Variants in ZNF438 observed in about 807,000 individuals in gnomAD.
ZNF438 encodes zinc finger protein 438.
In ZNF438, 25 loss-of-function variants were observed where a neutral mutation model predicts 38.0. The observed-to-expected ratio is 0.66, with a 90% confidence interval of 0.48 to 0.92. The LOEUF (loss-of-function observed/expected upper bound fraction) is 0.92, where lower values mean the gene tolerates loss of function less well. Ranked by LOEUF, ZNF438 falls within the 40% of genes least tolerant of loss-of-function variation. The pLI is 0.00. For synonymous variants in ZNF438, 372 were observed against 364.1 expected, an observed-to-expected ratio of 1.02 and a Z score of -0.25; for missense variants, 1,007 against 999.6, an observed-to-expected ratio of 1.01 and a Z score of -0.10.
chr10:30,850,403 G>C, intron 4 of ZNF438, 36 bp from the exon 6 acceptor site: 1 of 1,578,828 alleles, frequency 6.3e-7, no homozygotes, highest in Non-Finnish European at 8.6e-7. Flanking sequence ...GTTACTGTAT[G>C]TAACTGTTCT....
rs115784000 is a variant in ZNF438, at chr10:30,985,186, T to C, written c.-191-43535A>G. Among the ~76,000 whole-genome samples, 618 of 152,290 alleles carry C rather than the reference T, an allele frequency of 4.1e-3. 7 individuals are homozygous for C. Among genetic ancestry groups the C allele is most frequent in the African/African-American group, 0.014 (580 of 41,554 alleles). On this transcript the variant is annotated intron_variant, in intron 1 of 5. Transcript: ENST00000413025. Reference sequence around the variant, plus strand: ...ACCCAGGCACCATGCAGAAAAAGTATACCTAGGCAGGAGCAGGTAGGGACA... The same window carrying C: ...ACCCAGGCACCATGCAGAAAAAGTACACCTAGGCAGGAGCAGGTAGGGACA...
chr10:30,870,741 G>A (rs1323239670), intron 4 of ZNF438, among the ~76,000 whole-genome samples: 1 of 152,178 alleles, frequency 6.6e-6, no homozygotes, highest in Non-Finnish European at 1.5e-5. Flanking sequence ...ACCTATCCTT[G>A]AATATCGCCT....
At chr10:31,013,539 A>G (rs76353637) in intron 1 of ZNF438, among the ~76,000 whole-genome samples, 1,522 of 151,936 alleles carry the variant, frequency 0.01, 21 homozygotes, top group African/African-American at 0.034. Context: ...ATTAGGTCAG[A>G]CTCCCTCAGT....
At chr10:31,014,962 A>G (rs928038822) in intron 1 of ZNF438, among the ~76,000 whole-genome samples, 3 of 152,076 alleles carry the variant, frequency 2.0e-5, no homozygotes, top group African/African-American at 7.2e-5. Context: ...AGCTGAAGTC[A>G]TCCCCCCACT....
intron 2 of ZNF438, among the ~76,000 whole-genome samples, chr10:30,937,963 G>A (rs2046422916): frequency 6.6e-6 from 1 of 152,086 alleles, no homozygotes. Flanking sequence ...CTAATTCAAG[G>A]ATTTTCAACC....
intron 4 of ZNF438, among the ~76,000 whole-genome samples, chr10:30,868,302 C>T (rs1316903020): frequency 1.3e-5 from 2 of 151,978 alleles, no homozygotes; most frequent in Non-Finnish European, 1.5e-5. Context: ...AACTCCTGAC[C>T]GCAGGTGATC....
intron 2 of ZNF438, among the ~76,000 whole-genome samples, chr10:30,926,632 C>T (rs1254041375): frequency 6.6e-6 from 1 of 151,212 alleles, no homozygotes. Flanking sequence ...TGCCACTGCA[C>T]TCCAGCCTGA....
chr10:31,018,576 C>T (rs1349573215), intron 1 of ZNF438, among the ~76,000 whole-genome samples: 2 of 152,212 alleles, frequency 1.3e-5, no homozygotes, highest in African/African-American at 2.4e-5. Context: ...CAGTGCTATA[C>T]ATTTCAGCTT....
chr10:31,021,646 T>C (rs908050671), intron 1 of ZNF438, among the ~76,000 whole-genome samples: 33 of 152,252 alleles, frequency 2.2e-4, no homozygotes, highest in South Asian at 2.1e-4. Flanking sequence ...GGAAATGATG[T>C]TAGACAAATA....
intron 2 of ZNF438, among the ~76,000 whole-genome samples, chr10:30,929,652 G>A (rs994332407): frequency 5.3e-5 from 8 of 152,184 alleles, no homozygotes; most frequent in Admixed American, 1.3e-4. Flanking sequence ...CCCTTATCTG[G>A]CCTCACCCAC....
intron 4 of ZNF438, among the ~76,000 whole-genome samples, chr10:30,852,454 C>A (rs909462493): frequency 6.6e-6 from 1 of 152,108 alleles, no homozygotes; most frequent in South Asian, 2.1e-4. Flanking sequence ...GTGATCTGCC[C>A]GCCTCGGCCT....
chr10:30,903,247 C>T (rs574039971), intron 3 of ZNF438, among the ~76,000 whole-genome samples: 5 of 152,332 alleles, frequency 3.3e-5, no homozygotes, highest in South Asian at 2.1e-4. Flanking sequence ...AGGGCTCCCA[C>T]GGTGCAGCGG....
intron 1 of ZNF438, among the ~76,000 whole-genome samples, chr10:31,031,253 CTT>C (rs1198998133): frequency 6.6e-6 from 1 of 152,230 alleles, no homozygotes; most frequent in Non-Finnish European, 1.5e-5. Context: ...AATTTACACA[CTT>C]GTGTTATCTC....
rs74846332 is a variant in ZNF438 at position 30,960,521 on chromosome 10, C to A, written c.-191-18870G>T. 6.9e-3 allele frequency among the ~76,000 whole-genome samples: 1,020 copies of A among 147,016 alleles called. 40 individuals carry two copies. The highest frequency in any genetic ancestry group is 0.023 in the African/African-American group (953 of 41,188). On this transcript the variant is annotated intron_variant, in intron 1 of 5. Coordinates refer to ENST00000413025, the Ensembl canonical transcript of ZNF438. Reference sequence around the variant, plus strand: ...CCAGCACCATTTGTTGAAAAAATAACCCTTTCTCTATTTGTCTTAGCAGCT... The same window carrying A: ...CCAGCACCATTTGTTGAAAAAATAAACCTTTCTCTATTTGTCTTAGCAGCT...
intron 1 of ZNF438, among the ~76,000 whole-genome samples, chr10:30,977,563 A>G (rs2051517653): frequency 6.6e-6 from 1 of 152,224 alleles, no homozygotes; most frequent in Non-Finnish European, 1.5e-5. Flanking sequence ...GTGATCTTAC[A>G]CACATTACCA....
intron 2 of ZNF438, among the ~76,000 whole-genome samples, chr10:30,922,893 A>C (rs2044478129): frequency 6.6e-6 from 1 of 152,210 alleles, no homozygotes; most frequent in Non-Finnish European, 1.5e-5. Flanking sequence ...TGCCAAGTAC[A>C]CAATGGAATT....
intron 2 of ZNF438, among the ~76,000 whole-genome samples, chr10:30,940,507 G>A (rs2046705960): frequency 6.6e-6 from 1 of 152,160 alleles, no homozygotes; most frequent in Admixed American, 6.5e-5. Flanking sequence ...ACCAGTACAA[G>A]TTAAGACAGA....
intron 2 of ZNF438, among the ~76,000 whole-genome samples, chr10:30,924,233 T>A (rs1306418889): frequency 6.6e-6 from 1 of 152,126 alleles, no homozygotes; most frequent in Non-Finnish European, 1.5e-5. Flanking sequence ...AGAAAGCCAA[T>A]GACTGAGACG....
chr10:30,994,515 T>C (rs1313426872), intron 1 of ZNF438, among the ~76,000 whole-genome samples: 1 of 152,196 alleles, frequency 6.6e-6, no homozygotes, highest in Non-Finnish European at 1.5e-5. Context: ...CCTCTCAGCA[T>C]GTGATGCTCT....
Sources: allele counts gnomAD v4.1 joint callset (sites outside exome capture counted in the v4.1 genomes callset), GRCh38; gene constraint gnomAD v4.1.1; transcripts MANE v1.5; gene names NCBI Gene and HGNC (gene_info 2026-07-23, HGNC 2026-07-21).